CFAP20DC: variants seen among roughly 807,000 people sequenced by gnomAD.
The protein encoded by CFAP20DC is CFAP20 domain containing.
In CFAP20DC, 84 loss-of-function variants were observed where a neutral mutation model predicts 101.7. That is an observed-to-expected ratio of 0.83 (90% CI 0.69 to 0.99). The LOEUF is 0.99. Among genes scored for constraint, CFAP20DC ranks in the 50% least tolerant of loss-of-function variants. The pLI is 0.00. For synonymous variants in CFAP20DC, 359 were observed against 351.2 expected (o/e 1.02, Z -0.25); for missense variants, 1,007 against 970.3 (o/e 1.04, Z -0.50).
intron 15 of CFAP20DC, among the ~76,000 whole-genome samples, chr3:58,797,913 C>A (rs148440695): frequency 6.6e-6 from 1 of 152,132 alleles, no homozygotes; most frequent in African/African-American, 2.4e-5. Context: ...GGCACATCTG[C>A]TTATAGCACA....
chr3:58,807,908 G>A (rs1049255622), intron 14 of CFAP20DC, among the ~76,000 whole-genome samples: 2 of 152,218 alleles, frequency 1.3e-5, no homozygotes, highest in Non-Finnish European at 2.9e-5. Flanking sequence ...CGAGAACTAC[G>A]TGAAGAATGT....
In CFAP20DC at chr3:58,729,836, C is replaced by T. The variant is rs374662563; in HGVS notation, c.198-12208G>A. Among the ~76,000 whole-genome samples the T allele has an allele frequency of 8.4e-4, 127 of 151,808 alleles. No homozygotes were observed. The highest frequency in any genetic ancestry group is 3.4e-3 in the Middle Eastern group (1 of 294). On this transcript the variant is annotated intron_variant, in intron 3 of 3. Coordinates refer to the CFAP20DC transcript ENST00000486145. This position sits in a 1 kb window ranked among gnomAD's most constrained non-coding sequence, Gnocchi z 4.4. The stretch of plus-strand genomic sequence containing the variant: ...GAGTTCGAGACCAGCGTGACCAACA[C>T]GGAGAAACCCTGTCTCTACTAAAAA...
At chr3:58,759,052 C>A (rs1446555954) in intron 15 of CFAP20DC, among the ~76,000 whole-genome samples, 1 of 152,178 alleles carries the variant, frequency 6.6e-6, no homozygotes, top group African/African-American at 2.4e-5. Context: ...GGTATATACC[C>A]AGTAATGGGA....
intron 5 of CFAP20DC, among the ~76,000 whole-genome samples, chr3:58,937,162 T>C (rs948375696): frequency 2.0e-5 from 3 of 152,170 alleles, no homozygotes; most frequent in Non-Finnish European, 4.4e-5. Flanking sequence ...GTCAGACCAA[T>C]GTTTCCTTAG....
At chr3:58,770,153 A>G (rs903603206) in intron 15 of CFAP20DC, among the ~76,000 whole-genome samples, 5 of 152,264 alleles carry the variant, frequency 3.3e-5, no homozygotes, top group African/African-American at 1.2e-4. Context: ...TATGTAGATA[A>G]TTCAACTCTG....
At chr3:58,717,166 A>G (rs1646130306), downstream of CFAP20DC, among the ~76,000 whole-genome samples, 1 of 151,862 alleles carries the variant, frequency 6.6e-6, no homozygotes, top group Non-Finnish European at 1.5e-5. This position sits in a 1 kb window ranked among gnomAD's most constrained non-coding sequence, Gnocchi z 4.1. Flanking sequence ...CATCTTGTGG[A>G]AGGAAAAGGT....
intron 4 of CFAP20DC, among the ~76,000 whole-genome samples, chr3:58,967,095 G>T (rs13320702): frequency 6.6e-6 from 1 of 152,144 alleles, no homozygotes; most frequent in Non-Finnish European, 1.5e-5. Context: ...CCCATTTCCC[G>T]ATTTAAAACT....
intron 6 of CFAP20DC, among the ~76,000 whole-genome samples, chr3:58,904,006 A>G (rs955191949): frequency 6.6e-6 from 1 of 152,182 alleles, no homozygotes; most frequent in African/African-American, 2.4e-5. Context: ...ATTCCACAGG[A>G]ATTTCAGATC....
intron 15 of CFAP20DC, among the ~76,000 whole-genome samples, chr3:58,783,804 A>C (rs1003693484): frequency 1.3e-5 from 2 of 152,020 alleles, no homozygotes; most frequent in Non-Finnish European, 2.9e-5. Flanking sequence ...ACAAAACCCC[A>C]AAAACAAAAA....
chr3:58,971,703 C>T lies in CFAP20DC; in HGVS notation c.279-33941G>A, dbSNP rs184476135. ...TCTAGCCATGCAATGGTATATATAG[C>T]GCTATTAAAAAGAGTGAGACAGATT... On this transcript the variant is annotated intron_variant, in intron 4 of 16. Coordinates refer to ENST00000482387, the MANE Select transcript of CFAP20DC (RefSeq NM_001394063.1). The surrounding 1 kb of genome is among the most constrained non-coding windows in gnomAD (Gnocchi z 4.1). 9.3e-4 allele frequency among the ~76,000 whole-genome samples: 142 copies of T among 152,018 alleles called. No individual in the cohort carries two copies. Among genetic ancestry groups the T allele is most frequent in the Middle Eastern group, 3.4e-3 (1 of 294 alleles).
At position 58,863,057 on chromosome 3, in the gene CFAP20DC, C is replaced by G; in HGVS notation, c.1593+501G>C. On this transcript the variant is annotated intron_variant, in intron 12 of 16. Coordinates refer to ENST00000482387, the MANE Select transcript of CFAP20DC (RefSeq NM_001394063.1). The surrounding 1 kb of genome is among the most constrained non-coding windows in gnomAD (Gnocchi z 5.9). The stretch of plus-strand genomic sequence containing the variant: ...CCAGCACTAATCCACGACTCATTAT[C>G]TAAACTTTAATTGGCACAACTCTTC... The G allele has an allele frequency of 1.0e-6, 1 of 990,976 alleles. No homozygotes were observed. Among genetic ancestry groups the G allele is most frequent in the Non-Finnish European group, 1.2e-6 (1 of 833,940 alleles). The allele number at this position is 990,976 out of a possible 1,614,324, so 61.4% of individuals were successfully genotyped here. A position where few individuals can be genotyped will look rare whatever the true frequency, so the allele number is the denominator to read the frequency against.
At chr3:58,725,835 G>C (rs1195001362) in intron 3 of CFAP20DC, 1 of 214,346 alleles carries the variant, frequency 4.7e-6, no homozygotes, top group Non-Finnish European at 9.4e-6. Context: ...TCCAACTCAG[G>C]CATCTCTGGA....
At chr3:58,985,384 A>AC (rs767369630) in intron 4 of CFAP20DC, among the ~76,000 whole-genome samples, 4 of 151,856 alleles carry the variant, frequency 2.6e-5, no homozygotes, top group Non-Finnish European at 5.9e-5. Flanking sequence ...GACTGCAACA[A>AC]CCTCCTAATT....
At chr3:58,929,477 C>G (rs35535183) in intron 5 of CFAP20DC, among the ~76,000 whole-genome samples, 6,317 of 152,276 alleles carry the variant, frequency 0.041, 177 homozygotes, top group Middle Eastern at 0.11. Context: ...AATACCTAAA[C>G]ATAAAATGAT....
At chr3:58,758,403 A>G (rs2069161891) in intron 15 of CFAP20DC, among the ~76,000 whole-genome samples, 1 of 151,840 alleles carries the variant, frequency 6.6e-6, no homozygotes, top group Admixed American at 6.6e-5. Context: ...GTTCTGAACC[A>G]TTTCGTGGGT....
At chr3:58,907,499 T>C (rs1282025866) in intron 6 of CFAP20DC, among the ~76,000 whole-genome samples, 1 of 152,232 alleles carries the variant, frequency 6.6e-6, no homozygotes, top group Non-Finnish European at 1.5e-5. Flanking sequence ...CACTGCATTA[T>C]CATTTATGCA....
intron 6 of CFAP20DC, among the ~76,000 whole-genome samples, chr3:58,898,632 C>T (rs990607849): frequency 2.0e-5 from 3 of 152,196 alleles, no homozygotes; most frequent in African/African-American, 7.2e-5. Context: ...TTACAACATG[C>T]TCCTTTAGCT....
rs138678934 is a variant in CFAP20DC at position 58,813,858 on chromosome 3, G to C, written c.2176-7402C>G. Among the ~76,000 whole-genome samples, 179 of 151,912 alleles carry C rather than the reference G, an allele frequency of 1.2e-3. 1 individual carries two copies. Among genetic ancestry groups the C allele is most frequent in the Non-Finnish European group, 1.5e-3 (103 of 67,978 alleles). ...AAGAAACAACAGCTGGGAGAACAGT[G>C]GAAGGAAAAACATGTCATAAGACAT... On this transcript the variant is annotated intron_variant, in intron 14 of 16. Coordinates refer to ENST00000482387, the MANE Select transcript of CFAP20DC (RefSeq NM_001394063.1).
At chr3:58,809,161 A>G (rs890315199) in intron 14 of CFAP20DC, among the ~76,000 whole-genome samples, 1 of 152,058 alleles carries the variant, frequency 6.6e-6, no homozygotes, top group Admixed American at 6.6e-5. Context: ...AAAGTTAACA[A>G]GGATACCCAG....
Sources: gnomAD v4.1 joint callset for allele counts (sites outside exome capture counted in the v4.1 genomes callset) on GRCh38, gnomAD v4.1.1 for gene constraint, Gnocchi (gnomAD v3.1) non-coding constraint, MANE v1.5 for transcripts, NCBI Gene and HGNC (gene_info 2026-07-23, HGNC 2026-07-21) for gene names.